Variants in EPS8L2 observed in about 807,000 individuals in gnomAD.
EPS8L2 encodes the protein EPS8 signaling adaptor L2.
A neutral mutation model predicts 99.4 loss-of-function variants in EPS8L2; 81 were observed. The observed-to-expected ratio is 0.82, with a 90% CI of 0.68 to 0.98. The LOEUF is 0.98. EPS8L2 is among the 50% of genes least tolerant of loss of function. The pLI, the probability that EPS8L2 is intolerant of heterozygous loss-of-function variation, is 0.00. For synonymous variants in EPS8L2, 509 were observed against 407.3 expected, an observed-to-expected ratio of 1.25 and a Z score of -3.01; for missense variants, 1,155 against 968.8, an observed-to-expected ratio of 1.19 and a Z score of -2.55.
intron 1 of EPS8L2, chr11:708,526 GC>G (rs1308239065): frequency 6.6e-6 from 1 of 152,256 alleles, no homozygotes; most frequent in Non-Finnish European, 1.5e-5. Context: ...GTGTGTTGGG[GC>G]CACTGGACTG....
intron 4 of EPS8L2, among the ~76,000 whole-genome samples, chr11:711,337 C>A (rs1292782950): frequency 1.3e-5 from 2 of 148,566 alleles, no homozygotes; most frequent in Non-Finnish European, 3.0e-5. Flanking sequence ...TCTCTCTTTT[C>A]TTTTCTTTCT....
At chr11:717,759 C>A (rs1440592385) in intron 4 of EPS8L2, among the ~76,000 whole-genome samples, 1 of 152,082 alleles carries the variant, frequency 6.6e-6, no homozygotes, top group Admixed American at 6.6e-5. Context: ...TCTGTAATCC[C>A]AGCACTTTGG....
chr11:709,528 T>C (rs752990866), intron 2 of EPS8L2, 25 bp from the exon 3 acceptor site: 2 of 1,423,288 alleles, frequency 1.4e-6, no homozygotes, highest in Non-Finnish European at 1.9e-6. Flanking sequence ...AGTTTGGCCC[T>C]GCCCTGACAG....
At chr11:718,365 A>C (rs917070765) in intron 4 of EPS8L2, among the ~76,000 whole-genome samples, 2 of 152,162 alleles carry the variant, frequency 1.3e-5, no homozygotes, top group Non-Finnish European at 2.9e-5. Context: ...CAAACAAAAA[A>C]ACCCGCCAAA....
rs1462669028 is a variant in EPS8L2 at position 725,739 on chromosome 11, C to A, written c.1572C>A (p.Asp524Glu). The A allele has an allele frequency of 7.5e-7, 1 of 1,326,008 alleles. No individual in the cohort carries two copies. The highest frequency in any genetic ancestry group is 9.6e-7 in the Non-Finnish European group (1 of 1,039,522). The allele number at this position is 1,326,008 out of a possible 1,614,324, so 82.1% of individuals were successfully genotyped here. ...GGCGCGCCCCGCAGGTGCTGGAGGACGGCCGGCAGTGGTGGAAGCTGCGCA... is the reference window on the plus strand; with the variant it reads ...GGCGCGCCCCGCAGGTGCTGGAGGAAGGCCGGCAGTGGTGGAAGCTGCGCA... ...LKDEVLEVLE[D>E]GRQWWKLRSR... is the part of the protein sequence containing the mutation. The change falls in exon 17 of 21, where the codon GAC becomes GAA. Residue 524 changes from aspartate (D) to glutamate (E), a missense_variant. Physicochemically the swap from Asp to Glu is conservative, Grantham distance 45. Coordinates refer to ENST00000318562, the MANE Select transcript of EPS8L2 (RefSeq NM_022772.4).
At chr11:720,943 C>CCCGGCA (rs771424938) in intron 7 of EPS8L2, 34 bp downstream of exon 7, 4 of 503,052 alleles carry the variant, frequency 8.0e-6, no homozygotes, top group South Asian at 2.3e-5. Context: ...TCGCAGGGGG[C>CCCGGCA]GGGGAGGGGA....
rs1198661555 is a variant in EPS8L2, at chr11:722,902, T to TC, written c.1341+105dup. On this transcript the variant is annotated intron_variant, in intron 14 of 20. Transcript: ENST00000318562. ...CCTGACACCCACCCCTCCCCAGAGCTCCCCCCCCAGCCCTGACACCCACCC... is the reference window on the plus strand; with the variant it reads ...CCTGACACCCACCCCTCCCCAGAGCTCCCCCCCCCAGCCCTGACACCCACCC... 166 of 442,890 alleles carry TC rather than the reference T, an allele frequency of 3.7e-4. No homozygotes were observed. In the Middle Eastern group the frequency reaches 5.1e-3, roughly 14 times the overall value. The allele number at this position is 442,890 out of a possible 1,614,324, so 27.4% of individuals were successfully genotyped here. A position where few individuals can be genotyped will look rare whatever the true frequency, so the allele number is the denominator to read the frequency against.
At position 721,689 on chromosome 11, in the gene EPS8L2, C is replaced by T. The variant is rs143190988; in HGVS notation, c.893C>T (p.Ala298Val). The T allele has an allele frequency of 6.3e-7, 1 of 1,594,836 alleles. No individual in the cohort carries two copies. Among genetic ancestry groups the T allele is most frequent in the Non-Finnish European group, 8.5e-7 (1 of 1,171,870 alleles). The change falls in exon 10 of 21, where the codon GCA (alanine) becomes GTA (valine). Residue 298 changes from alanine (A) to valine (V), a missense_variant and splice_region_variant. Coordinates refer to ENST00000318562, the MANE Select transcript of EPS8L2 (RefSeq NM_022772.4). Reference sequence around the variant, plus strand: ...AAGAAGAAGGGCAAGAAGGCGCCAGCAGGTGCAGGGGACAGGGACGGGGCC... The same window carrying T: ...AAGAAGAAGGGCAAGAAGGCGCCAGTAGGTGCAGGGGACAGGGACGGGGCC... ...KGKKKGKKAPAEGVLTLRARP... is the reference protein window; with the variant it reads ...KGKKKGKKAPVEGVLTLRARP...
At position 726,489 on chromosome 11, in the gene EPS8L2, G is replaced by GCGGGGGCGGGGGATGAGCT. The variant is rs756969825; in HGVS notation, c.1934+6_1934+24dup. ...AGCCAAGGCCTTCAGCCCGCGGTGA[G>GCGGGGGCGGGGGATGAGCT]CGGGGGCGGGGGATGAGCTGGGGCC... On this transcript the variant is annotated splice_donor_region_variant and intron_variant, in intron 19 of 20. Coordinates refer to ENST00000318562, the MANE Select transcript of EPS8L2 (RefSeq NM_022772.4). The GCGGGGGCGGGGGATGAGCT allele has an allele frequency of 1.0e-5, 16 of 1,545,900 alleles. No individual in the cohort carries two copies. The highest frequency in any genetic ancestry group is 2.0e-5 in the Admixed American group (1 of 50,254).
At chr11:723,090 C>A in intron 14 of EPS8L2, 151 bp from the exon 15 acceptor site, 1 of 573,448 alleles carries the variant, frequency 1.7e-6, no homozygotes, top group Non-Finnish European at 3.1e-6. Flanking sequence ...CCAGGAGAGG[C>A]AACCCATGCT....
At chr11:707,743 A>G (rs953077234) in intron 1 of EPS8L2, among the ~76,000 whole-genome samples, 3 of 151,972 alleles carry the variant, frequency 2.0e-5, no homozygotes, top group African/African-American at 7.3e-5. Flanking sequence ...AGGCAACCGA[A>G]GGCCAGGAAC....
rs1284466346 is a variant in EPS8L2, at chr11:724,349, C to G, written c.1455-375C>G. 6.6e-6 allele frequency among the ~76,000 whole-genome samples: 1 copy of G among 152,212 alleles called. No individual in the cohort carries two copies. Among genetic ancestry groups the G allele is most frequent in the Non-Finnish European group, 1.5e-5 (1 of 68,026 alleles). ...GAGGGGCCACGGCTCTGAAGACATG[C>G]TGGCCCTCACTGGCCAGCTGCGGGG... On this transcript the variant is annotated intron_variant, in intron 15 of 20. Transcript: ENST00000318562. The surrounding 1 kb of genome is among the most constrained non-coding windows in gnomAD (Gnocchi z 5.5).
At chr11:713,654 C>T (rs1861944856) in intron 4 of EPS8L2, among the ~76,000 whole-genome samples, 1 of 152,224 alleles carries the variant, frequency 6.6e-6, no homozygotes, top group Non-Finnish European at 1.5e-5. Flanking sequence ...AAGTGATTCT[C>T]CTGCCTCAGC....
Position 707,909 on chromosome 11 carries a change from A to G in EPS8L2, c.-78-1421A>G, listed in dbSNP as rs547676015. 3.3e-4 allele frequency among the ~76,000 whole-genome samples: 50 copies of G among 152,240 alleles called. No homozygotes were observed. In the South Asian group the frequency reaches 9.5e-3, roughly 29 times the overall value. On this transcript the variant is annotated intron_variant, in intron 1 of 20. Transcript: ENST00000318562. ...GAGCCCGCCAGGAATCCCATTAAGC[A>G]AACACTCAGGCTCGCCACTGAGCCC... is the stretch of plus-strand genomic sequence containing the variant.
At chr11:707,622 C>T (rs1045153851) in intron 1 of EPS8L2, among the ~76,000 whole-genome samples, 2 of 152,100 alleles carry the variant, frequency 1.3e-5, no homozygotes, top group Non-Finnish European at 1.5e-5. Context: ...GCGGGGCTCC[C>T]ACAGGGCAGG....
At chr11:712,364 G>T (rs906274492) in intron 4 of EPS8L2, among the ~76,000 whole-genome samples, 1 of 151,710 alleles carries the variant, frequency 6.6e-6, no homozygotes, top group African/African-American at 2.4e-5. Context: ...GTGCGAGCTG[G>T]GCTCCCGGTT....
Position 726,988 on chromosome 11 carries a change from C to G in EPS8L2, c.*7C>G, listed in dbSNP as rs778379223. ...GAGGGGGGAGGACAGCTAGGCCCAG[C>G]TGCCTTGGGCTGGGGCCTGCGGAGG... On this transcript the variant is annotated 3_prime_UTR_variant, in exon 21 of 21. Coordinates refer to ENST00000318562, the MANE Select transcript of EPS8L2 (RefSeq NM_022772.4). 6.2e-7 allele frequency: 1 copy of G among 1,606,480 alleles called. No individual in the cohort carries two copies. The highest frequency in any genetic ancestry group is 1.1e-5 in the South Asian group (1 of 90,660).
chr11:721,758 C>G lies in EPS8L2; in HGVS notation c.895+67C>G, dbSNP rs1459530019. On this transcript the variant is annotated intron_variant, in intron 10 of 20. Transcript: ENST00000318562. ...GGCCAGCAGGTGCAGGGGACAGGGA[C>G]GGGGACGGGGCCAGGGACATCCATG... The G allele has an allele frequency of 1.5e-5, 24 of 1,548,410 alleles. No homozygotes were observed. In the East Asian group the frequency reaches 4.8e-4, roughly 31 times the overall value.
chr11:711,230 G>T (rs1330426277), intron 4 of EPS8L2, among the ~76,000 whole-genome samples: 1 of 151,072 alleles, frequency 6.6e-6, no homozygotes, highest in Admixed American at 6.6e-5. Context: ...ATGTTTTTTT[G>T]GGGGGTTTTG....
Sources: gnomAD v4.1 joint callset for allele counts (sites outside exome capture counted in the v4.1 genomes callset) on GRCh38, gnomAD v4.1.1 for gene constraint, Gnocchi (gnomAD v3.1) non-coding constraint, MANE v1.5 for transcripts, NCBI Gene and HGNC (gene_info 2026-07-23, HGNC 2026-07-21) for gene names.